PAQR3: variants seen among roughly 807,000 people sequenced by gnomAD.
The protein encoded by PAQR3 is Raf kinase trapping to Golgi.
Under a neutral mutation model 41.7 loss-of-function variants are expected in PAQR3, and 39 were observed. The observed-to-expected ratio is 0.93, with a 90% CI of 0.72 to 1.22. The LOEUF (loss-of-function observed/expected upper bound fraction) is 1.22, where lower values mean the gene tolerates loss of function less well. Among genes scored for constraint, PAQR3 ranks in the 50% most tolerant of loss-of-function variants. The pLI, the probability that PAQR3 is intolerant of heterozygous loss-of-function variation, is 0.00. For synonymous variants in PAQR3, 140 were observed against 140.6 expected (o/e 1.00, Z 0.03); for missense variants, 366 against 385.6 (o/e 0.95, Z 0.42).
rs1174918748 is a variant in PAQR3, at chr4:78,916,508, T to A, written c.*4031A>T. ...TAGTGGAATAGAAAAGTTGCTAAGA[T>A]TAGATCCCTATTCTTAAGGAGCTCA... On this transcript the variant is annotated 3_prime_UTR_variant, in exon 6 of 6. Transcript: ENST00000512733. The A allele has an allele frequency of 1.3e-5, 2 of 151,924 alleles. No individual in the cohort carries two copies. Among genetic ancestry groups the A allele is most frequent in the Non-Finnish European group, 2.9e-5 (2 of 67,868 alleles). 9.4% of individuals were successfully genotyped at this position (151,924 alleles called of 1,614,324 possible). A position where few individuals can be genotyped will look rare whatever the true frequency, so the allele number is the denominator to read the frequency against.
At chr4:78,905,705 G>A (rs1159504522) in intron 11 of PAQR3, among the ~76,000 whole-genome samples, 1 of 151,922 alleles carries the variant, frequency 6.6e-6, no homozygotes, top group Admixed American at 6.6e-5. Context: ...ATTAACTTTA[G>A]CAGTGAAATA....
intron 11 of PAQR3, among the ~76,000 whole-genome samples, chr4:78,894,867 T>G (rs1250819265): frequency 6.6e-6 from 1 of 152,162 alleles, no homozygotes; most frequent in Non-Finnish European, 1.5e-5. Context: ...TTAGAGGCCA[T>G]TGTGGGGTTA....
chr4:78,922,808 G>A (rs1051086787), intron 5 of PAQR3: 4 of 414,374 alleles, frequency 9.7e-6, no homozygotes, highest in Non-Finnish European at 1.9e-5. Flanking sequence ...AACTGGAGCT[G>A]AGAGCACTTA....
chr4:78,895,794 C>CT (rs1243085797), intron 11 of PAQR3, among the ~76,000 whole-genome samples: 1 of 151,940 alleles, frequency 6.6e-6, no homozygotes, highest in Non-Finnish European at 1.5e-5. Context: ...CAGCATTTTG[C>CT]TTTTTTGCCC....
rs1377785331 is a variant in PAQR3 at position 78,920,488 on chromosome 4, C to A, written c.*51G>T. On this transcript the variant is annotated 3_prime_UTR_variant, in exon 6 of 6. Coordinates refer to ENST00000512733, the MANE Select transcript of PAQR3 (RefSeq NM_001040202.2). ...CTTAGAAATAGTGGGGTATACAATT[C>A]CCCATTATATATTGCTTAACAACTG... 6.5e-7 allele frequency: 1 copy of A among 1,548,760 alleles called. No homozygotes were observed. The highest frequency in any genetic ancestry group is 8.7e-7 in the Non-Finnish European group (1 of 1,146,456).
exon 13 of PAQR3, chr4:78,887,302 C>G (rs1733149723): frequency 8.6e-6 from 13 of 1,517,562 alleles, no homozygotes; most frequent in Non-Finnish European, 1.2e-5. Context: ...ACACATGTAA[C>G]ATCATCACTG....
In PAQR3 at chr4:78,919,813, A is replaced by AT; in HGVS notation, c.*725dup. The AT allele has an allele frequency of 1.0e-6, 1 of 982,242 alleles. No homozygotes were observed. Among genetic ancestry groups the AT allele is most frequent in the Non-Finnish European group, 1.2e-6 (1 of 827,022 alleles). The allele number at this position is 982,242 out of a possible 1,614,324, so 60.8% of individuals were successfully genotyped here. On this transcript the variant is annotated 3_prime_UTR_variant, in exon 6 of 6. Coordinates refer to ENST00000512733, the MANE Select transcript of PAQR3 (RefSeq NM_001040202.2). The stretch of plus-strand genomic sequence containing the variant: ...TAAAATGTTTAGGTGGCTAATGACT[A>AT]TATTATTTGACCACATAATTTGTTG...
chr4:78,902,286 A>AT (rs1293856677), intron 11 of PAQR3, among the ~76,000 whole-genome samples: 1 of 152,160 alleles, frequency 6.6e-6, no homozygotes, highest in Admixed American at 6.6e-5. Flanking sequence ...GCATTAACCT[A>AT]TTTTAAAGAA....
chr4:78,907,548 T>A (rs921704262), downstream of PAQR3, among the ~76,000 whole-genome samples: 3 of 152,220 alleles, frequency 2.0e-5, no homozygotes, highest in Non-Finnish European at 4.4e-5. Flanking sequence ...TTCCCCAAAG[T>A]ACTTTTGCAT....
rs949590155 is a variant in PAQR3, at chr4:78,902,984, T to C, written c.*836+3124A>G. Among the ~76,000 whole-genome samples, 3 of 152,212 alleles carry C rather than the reference T, an allele frequency of 2.0e-5. No homozygotes were observed. In the South Asian group the frequency reaches 6.2e-4, roughly 32 times the overall value. On this transcript the variant is annotated intron_variant and NMD_transcript_variant, in intron 11 of 12. Coordinates refer to the PAQR3 transcript ENST00000342820. Reference sequence around the variant, plus strand: ...AAATGCTATAACAAATATATGAAAATGTAGCCTAAGAAATGTTGTTTTAGG... The same window carrying C: ...AAATGCTATAACAAATATATGAAAACGTAGCCTAAGAAATGTTGTTTTAGG...
At chr4:78,938,423 T>C (rs778233608) in intron 1 of PAQR3, among the ~76,000 whole-genome samples, 1 of 152,232 alleles carries the variant, frequency 6.6e-6, no homozygotes, top group Non-Finnish European at 1.5e-5. Context: ...GTGCCCGTTA[T>C]GAGCTCTCTT....
chr4:78,939,122 G>C lies in PAQR3; in HGVS notation c.103C>G (p.Gln35Glu). Residue 35 changes from glutamine (Q) to glutamate (E), a missense_variant, in exon 1 of 6, where the codon CAG becomes GAG. Physicochemically the swap from Gln to Glu is conservative, Grantham distance 29. Transcript: ENST00000512733. ...PRGIRLYTYE[Q>E]IPGSLKDNPY... ...TTGTCCTTGAGGGACCCGGGGATCTGCTCGTAGGTGTACAGGCGGATGCCA... is the reference window on the plus strand; with the variant it reads ...TTGTCCTTGAGGGACCCGGGGATCTCCTCGTAGGTGTACAGGCGGATGCCA... 1 of 1,613,866 alleles carries C rather than the reference G, an allele frequency of 6.2e-7. No homozygotes were observed. The highest frequency in any genetic ancestry group is 8.5e-7 in the Non-Finnish European group (1 of 1,179,878).
At chr4:78,894,583 C>T (rs979696301) in intron 11 of PAQR3, among the ~76,000 whole-genome samples, 8 of 152,200 alleles carry the variant, frequency 5.3e-5, no homozygotes, top group African/African-American at 7.2e-5. Flanking sequence ...CTTACGGGAA[C>T]GCAGTGGTTG....
intron 11 of PAQR3, among the ~76,000 whole-genome samples, chr4:78,900,943 T>C (rs896155321): frequency 2.0e-5 from 3 of 147,184 alleles, no homozygotes; most frequent in Non-Finnish European, 4.4e-5. Flanking sequence ...ATGTTAGTAG[T>C]GTGGTTTATC....
At chr4:78,930,022 TTCTGAAAA>T (rs1165439909) in intron 3 of PAQR3, 140 bp downstream of exon 3, 1 of 639,330 alleles carries the variant, frequency 1.6e-6, no homozygotes, top group African/African-American at 1.9e-5. Context: ...GACAGGGCCA[TTCTGAAAA>T]ATAAGTTTAT....
rs1278554184 is a variant in PAQR3, at chr4:78,939,350, T to C, written c.-126A>G. 1.6e-5 allele frequency: 13 copies of C among 792,336 alleles called. No homozygotes were observed. The highest frequency in any genetic ancestry group is 2.3e-5 in the Non-Finnish European group (13 of 565,578). 49.1% of individuals were successfully genotyped at this position (792,336 alleles called of 1,614,324 possible). On this transcript the variant is annotated 5_prime_UTR_variant, in exon 1 of 6. Coordinates refer to ENST00000512733, the MANE Select transcript of PAQR3 (RefSeq NM_001040202.2). ...GACGCTGCGCGAGGTCCTACCGCGC[T>C]GCCGCTGCTGCCCAGGGCCCGGCTC...
intron 11 of PAQR3, among the ~76,000 whole-genome samples, chr4:78,899,472 G>T (rs1195285703): frequency 6.6e-6 from 1 of 152,116 alleles, no homozygotes; most frequent in Admixed American, 6.5e-5. Flanking sequence ...AGAAATCTTG[G>T]CCATTGGGTT....
chr4:78,900,107 C>T (rs993031179), intron 11 of PAQR3, among the ~76,000 whole-genome samples: 1 of 152,172 alleles, frequency 6.6e-6, no homozygotes. Flanking sequence ...AGAACAACCC[C>T]TCTTCTTTGC....
At position 78,918,073 on chromosome 4, in the gene PAQR3, G is replaced by A. The variant is rs1735264850; in HGVS notation, c.*2466C>T. 1 of 977,624 alleles carries A rather than the reference G, an allele frequency of 1.0e-6. No homozygotes were observed. Among genetic ancestry groups the A allele is most frequent in the Non-Finnish European group, 1.2e-6 (1 of 822,784 alleles). The allele number at this position is 977,624 out of a possible 1,614,324, so 60.6% of individuals were successfully genotyped here. ...AATGGCTTAATATAGAAAGATAATT[G>A]TTTCTTAAATGAGTTAACCACAACC... On this transcript the variant is annotated 3_prime_UTR_variant, in exon 6 of 6. Transcript: ENST00000512733.
Sources: allele counts gnomAD v4.1 joint callset (sites outside exome capture counted in the v4.1 genomes callset), GRCh38; gene constraint gnomAD v4.1.1; transcripts MANE v1.5; gene names NCBI Gene and HGNC (gene_info 2026-07-23, HGNC 2026-07-21).